Variants in LBR observed in about 807,000 individuals in gnomAD.
LBR encodes the protein delta(14)-sterol reductase LBR.
Under a neutral mutation model 74.3 loss-of-function variants are expected in LBR, and 28 were observed. The observed-to-expected ratio is 0.38, with a 90% CI of 0.28 to 0.52. The LOEUF (loss-of-function observed/expected upper bound fraction) is 0.52. LBR is among the 20% of genes least tolerant of loss of function. The pLI is 0.89. For missense variants in LBR, 717 were observed against 760.3 expected (o/e 0.94, Z 0.67); for synonymous variants, 228 against 269.3 (o/e 0.85, Z 1.50).
At position 225,419,695 on chromosome 1, in the gene LBR, G is replaced by T; in HGVS notation, c.450+20C>A. ...AAAGAAAAAAAAAAACAACCAAGATGAAAGGGAACACTTTCCCACCTGTGT... is the reference window on the plus strand; with the variant it reads ...AAAGAAAAAAAAAAACAACCAAGATTAAAGGGAACACTTTCCCACCTGTGT... On this transcript the variant is annotated intron_variant, in intron 4 of 13. Coordinates refer to ENST00000272163, the MANE Select transcript of LBR (RefSeq NM_002296.4). The T allele has an allele frequency of 6.5e-7, 1 of 1,542,250 alleles. No homozygotes were observed. The highest frequency in any genetic ancestry group is 8.9e-7 in the Non-Finnish European group (1 of 1,121,908).
At position 225,403,349 on chromosome 1, in the gene LBR, T is replaced by G. The variant is rs141243190; in HGVS notation, c.1802A>C (p.Lys601Thr). 23 of 1,613,420 alleles carry G rather than the reference T, an allele frequency of 1.4e-5. No individual in the cohort carries two copies. Among genetic ancestry groups the G allele is most frequent in the Non-Finnish European group, 1.9e-5 (22 of 1,179,916 alleles). ...ACGGTAGGGCACACGCTGACAGTAC[T>G]TTTCCCAAGCCACGCCGTATTTCTT... ...CKKKYGVAWE[K>T]YCQRVPYRIF... The change falls in exon 14 of 14, where the codon AAG (lysine) becomes ACG (threonine). Residue 601 changes from lysine (K) to threonine (T), a missense_variant. Coordinates refer to ENST00000272163, the MANE Select transcript of LBR (RefSeq NM_002296.4).
intron 7 of LBR, among the ~76,000 whole-genome samples, chr1:225,413,024 G>A (rs2096109417): frequency 2.6e-5 from 4 of 152,176 alleles, no homozygotes; most frequent in Middle Eastern, 3.2e-3. Context: ...AAAGTCTAAT[G>A]CCATTACCTA....
rs1006891274 is a variant in LBR, at chr1:225,410,219, C to T, written c.1314+72G>A. 1.9e-5 allele frequency: 30 copies of T among 1,605,240 alleles called. 1 individual carries two copies. Among genetic ancestry groups the T allele is most frequent in the South Asian group, 8.8e-5 (8 of 90,494 alleles). ...TCCCCTCACTTTGTGTGCAAGAAGC[C>T]GAGGCTCTGACAGGTCACTCACCCA... On this transcript the variant is annotated intron_variant, in intron 10 of 13. Coordinates refer to ENST00000272163, the MANE Select transcript of LBR (RefSeq NM_002296.4).
chr1:225,419,670 A>G, intron 4 of LBR, 45 bp downstream of exon 4: 2 of 1,461,100 alleles, frequency 1.4e-6, no homozygotes, highest in Non-Finnish European at 1.9e-6. Flanking sequence ...TAACCAAAAA[A>G]AAGAAAAAAA....
intron 1 of LBR, chr1:225,427,521 T>C (rs899231432): frequency 6.7e-6 from 1 of 150,354 alleles, no homozygotes; most frequent in African/African-American, 2.5e-5. Context: ...GTCAGCCTCC[T>C]ACTGCAGGAC....
At chr1:225,422,306 T>C (rs2096129116) in intron 2 of LBR, 29 bp from the exon 3 acceptor site, 1 of 1,575,062 alleles carries the variant, frequency 6.3e-7, no homozygotes, top group Admixed American at 1.7e-5. Context: ...GCAAAGAGCT[T>C]TACCACAAAT....
Position 225,418,196 on chromosome 1 carries a change from G to T in LBR, c.641-16C>A. Reference sequence around the variant, plus strand: ...AGAAACACACCTGCAAACAATTCATGAACATTCGAGGCTCAAATTTCAATC... The same window carrying T: ...AGAAACACACCTGCAAACAATTCATTAACATTCGAGGCTCAAATTTCAATC... On this transcript the variant is annotated splice_polypyrimidine_tract_variant and intron_variant, in intron 5 of 13. Coordinates refer to ENST00000272163, the MANE Select transcript of LBR (RefSeq NM_002296.4). 1 of 1,608,078 alleles carries T rather than the reference G, an allele frequency of 6.2e-7. No homozygotes were observed. Among genetic ancestry groups the T allele is most frequent in the South Asian group, 1.1e-5 (1 of 90,504 alleles).
At chr1:225,414,686 G>A (rs2096113630) in intron 7 of LBR, among the ~76,000 whole-genome samples, 1 of 152,180 alleles carries the variant, frequency 6.6e-6, no homozygotes, top group African/African-American at 2.4e-5. Context: ...ACATAGCCAA[G>A]TCCTAGCCCA....
intron 6 of LBR, chr1:225,417,418 C>T (rs1223692036): frequency 6.6e-6 from 1 of 152,250 alleles, no homozygotes; most frequent in Non-Finnish European, 1.5e-5. Context: ...AATGGAGAGA[C>T]AAATTTTAAA....
intron 1 of LBR, among the ~76,000 whole-genome samples, chr1:225,424,776 C>CA (rs2096135957): frequency 1.3e-5 from 2 of 152,194 alleles, no homozygotes; most frequent in African/African-American, 4.8e-5. Flanking sequence ...AAACATGGCC[C>CA]ACAAGCCCCA....
intron 1 of LBR, 57 bp from the exon 2 acceptor site, chr1:225,424,146 C>CT: frequency 3.1e-6 from 4 of 1,275,944 alleles, no homozygotes; most frequent in Non-Finnish European, 4.6e-6. Flanking sequence ...ATGTATTCGT[C>CT]TTTTTCCACA....
Position 225,422,990 on chromosome 1 carries a change from C to T in LBR, c.166-713G>A, listed in dbSNP as rs569773150. Among the ~76,000 whole-genome samples, 53 of 152,294 alleles carry T rather than the reference C, an allele frequency of 3.5e-4. No homozygotes were observed. The South Asian group carries it at 8.5e-3, about 24-fold the overall frequency. ...TGCTCCCTTCCATACTGCCTGGAGC[C>T]GCTCCCATAAAGTCTAAAATATTTA... On this transcript the variant is annotated intron_variant, in intron 2 of 13. Transcript: ENST00000272163.
At chr1:225,411,798 G>T (rs933071435) in intron 8 of LBR, among the ~76,000 whole-genome samples, 2 of 152,068 alleles carry the variant, frequency 1.3e-5, no homozygotes, top group Non-Finnish European at 2.9e-5. Flanking sequence ...GTAACCTCTC[G>T]TTTCTCTTGT....
chr1:225,406,693 G>C lies in LBR; in HGVS notation c.1454C>G (p.Pro485Arg). The C allele has an allele frequency of 1.2e-6, 2 of 1,613,548 alleles. No individual in the cohort carries two copies. The highest frequency in any genetic ancestry group is 2.2e-5 in the South Asian group (2 of 90,924). Residue 485 changes from proline (P) to arginine (R), a missense_variant, in exon 11 of 14, where the codon CCA becomes CGA. By Grantham distance (103) the Pro-to-Arg change is moderately radical. Transcript: ENST00000272163. ...LVSHPNEVSW[P>R]MASLIIVLKL... ...CAGAACAATAATTAGAGAAGCCATT[G>C]GCCAAGACACTTCATTTGGATGACT...
intron 3 of LBR, among the ~76,000 whole-genome samples, chr1:225,421,458 G>A (rs564065265): frequency 6.6e-6 from 1 of 152,354 alleles, no homozygotes; most frequent in Non-Finnish European, 1.5e-5. Flanking sequence ...GCGCCACTGC[G>A]CTCCAGCCTG....
At position 225,415,321 on chromosome 1, in the gene LBR, T is replaced by G. The variant is rs199886849; in HGVS notation, c.849A>C (p.Gly283=). ...YLLPIGKVVE[G]TPLIDGRRLK... is the part of the protein sequence containing the mutation. The stretch of plus-strand genomic sequence containing the variant: ...GTCTTCTTCCATCAATAAGAGGCGT[T>G]CCTTCTACAACCTTAAAAGAAAAAA... The change falls in exon 7 of 14, where the codon GGA becomes GGC. Residue 283 remains glycine, a synonymous_variant. Transcript: ENST00000272163. 1.9e-6 allele frequency: 3 copies of G among 1,594,160 alleles called. No homozygotes were observed. Among genetic ancestry groups the G allele is most frequent in the Non-Finnish European group, 1.7e-6 (2 of 1,164,514 alleles).
intron 11 of LBR, among the ~76,000 whole-genome samples, chr1:225,406,287 CT>C (rs925941209): frequency 2.0e-5 from 3 of 152,284 alleles, no homozygotes; most frequent in Non-Finnish European, 2.9e-5. Context: ...GCAGGAATGT[CT>C]TATTTCTCCT....
At chr1:225,404,976 T>C (rs2096088464) in intron 11 of LBR, among the ~76,000 whole-genome samples, 1 of 152,222 alleles carries the variant, frequency 6.6e-6, no homozygotes, top group Non-Finnish European at 1.5e-5. Context: ...TCTATCACAC[T>C]ACTTTAATCA....
intron 10 of LBR, among the ~76,000 whole-genome samples, chr1:225,408,000 T>C (rs1305455626): frequency 6.6e-6 from 1 of 152,216 alleles, no homozygotes; most frequent in Non-Finnish European, 1.5e-5. Flanking sequence ...GTAATTAGCA[T>C]ATCCATCATC....
Sources: allele counts gnomAD v4.1 joint callset (sites outside exome capture counted in the v4.1 genomes callset), GRCh38; gene constraint gnomAD v4.1.1; transcripts MANE v1.5; gene names NCBI Gene and HGNC (gene_info 2026-07-23, HGNC 2026-07-21).